The following ANKS1B variants were observed in gnomAD, a reference collection of about 807,000 sequenced individuals.
ANKS1B encodes ankyrin repeat and sterile alpha motif domain containing 1B.
In ANKS1B, 36 loss-of-function variants were observed where a neutral mutation model predicts 148.3. That is an observed-to-expected ratio of 0.24 (90% confidence interval 0.19 to 0.32). The LOEUF (loss-of-function observed/expected upper bound fraction) is 0.32. Among genes scored for constraint, ANKS1B ranks in the 10% least tolerant of loss-of-function variants. The pLI is 1.00. For synonymous variants in ANKS1B, 542 were observed against 560.8 expected (o/e 0.97, Z 0.47); for missense variants, 1,157 against 1,542.6 (o/e 0.75, Z 4.19).
intron 8 of ANKS1B, among the ~76,000 whole-genome samples, chr12:99,667,084 G>A (rs1184026226): frequency 1.3e-5 from 2 of 152,082 alleles, no homozygotes; most frequent in African/African-American, 2.4e-5. Flanking sequence ...AGTGGTTCAT[G>A]CCTAGAATCC....
At chr12:98,879,590 T>C (rs1183919571) in intron 17 of ANKS1B, among the ~76,000 whole-genome samples, 1 of 151,966 alleles carries the variant, frequency 6.6e-6, no homozygotes, top group Non-Finnish European at 1.5e-5. Flanking sequence ...TTGCTTCTTG[T>C]TTTTTTTCCC....
At chr12:98,959,127 T>C (rs1464830194) in intron 17 of ANKS1B, among the ~76,000 whole-genome samples, 1 of 152,200 alleles carries the variant, frequency 6.6e-6, no homozygotes, top group African/African-American at 2.4e-5. Context: ...ATTTTATTGG[T>C]GTAAATGTTT....
intron 8 of ANKS1B, among the ~76,000 whole-genome samples, chr12:99,747,879 A>C (rs2060743797): frequency 6.6e-6 from 1 of 152,184 alleles, no homozygotes; most frequent in Non-Finnish European, 1.5e-5. Flanking sequence ...AAACTCCTAA[A>C]GAATCCATCC....
chr12:98,894,905 C>A, intron 17 of ANKS1B: 1 of 955,580 alleles, frequency 1.0e-6, no homozygotes, highest in Non-Finnish European at 1.2e-6. Flanking sequence ...ACTGCCCCCG[C>A]CCCCCGCGCG....
At chr12:98,800,237 G>C (rs1035547233) in intron 21 of ANKS1B, among the ~76,000 whole-genome samples, 2 of 128,834 alleles carry the variant, frequency 1.6e-5, no homozygotes, top group South Asian at 4.9e-4. Context: ...AAAAAAAAAA[G>C]CTCAACTGGT....
chr12:99,797,182 A>C (rs934330786), intron 4 of ANKS1B, among the ~76,000 whole-genome samples: 1 of 151,390 alleles, frequency 6.6e-6, no homozygotes, highest in Admixed American at 6.6e-5. Flanking sequence ...CCTTCTTTTC[A>C]TCAGAGATTA....
At chr12:99,225,339 TTTGTC>T (rs780298556) in intron 14 of ANKS1B, among the ~76,000 whole-genome samples, 3 of 152,154 alleles carry the variant, frequency 2.0e-5, no homozygotes, top group Non-Finnish European at 4.4e-5. Context: ...ATAGCCCACT[TTTGTC>T]TTGATTATCA....
chr12:99,656,095 T>C (rs2098448505), intron 8 of ANKS1B, among the ~76,000 whole-genome samples: 2 of 152,114 alleles, frequency 1.3e-5, no homozygotes. Context: ...GGTTTAATTT[T>C]TGAAGAAGTT....
intron 4 of ANKS1B, 71 bp from the exon 5 acceptor site, chr12:99,782,168 C>T: frequency 8.1e-7 from 1 of 1,227,036 alleles, no homozygotes; most frequent in Non-Finnish European, 1.1e-6. Flanking sequence ...AAATAAAATG[C>T]TCACATTTTA....
chr12:99,342,479 A>G (rs1603170104), intron 12 of ANKS1B, among the ~76,000 whole-genome samples: 1 of 152,182 alleles, frequency 6.6e-6, no homozygotes, highest in Non-Finnish European at 1.5e-5. Context: ...AAAGAGGTAG[A>G]AACCCAACCA....
intron 9 of ANKS1B, among the ~76,000 whole-genome samples, chr12:99,559,440 TAA>T (rs1165957979): frequency 6.6e-6 from 1 of 152,224 alleles, no homozygotes; most frequent in Non-Finnish European, 1.5e-5. Context: ...AGTTTTCACA[TAA>T]ATTCAAGTAT....
chr12:99,081,265 G>T (rs1045124126), intron 16 of ANKS1B, among the ~76,000 whole-genome samples: 1 of 151,960 alleles, frequency 6.6e-6, no homozygotes, highest in Non-Finnish European at 1.5e-5. Flanking sequence ...ACTGAGCAAA[G>T]CACCTTTTCT....
chr12:99,978,665 G>A (rs1239053790), intron 1 of ANKS1B, among the ~76,000 whole-genome samples: 1 of 152,136 alleles, frequency 6.6e-6, no homozygotes, highest in African/African-American at 2.4e-5. Context: ...CCAAATAGTT[G>A]TGAAAATTAC....
At chr12:99,656,152 C>A (rs1315805933) in intron 8 of ANKS1B, among the ~76,000 whole-genome samples, 1 of 152,118 alleles carries the variant, frequency 6.6e-6, no homozygotes, top group Non-Finnish European at 1.5e-5. Flanking sequence ...TACTGAGTCT[C>A]CAAAAACAAG....
chr12:99,061,712 C>G (rs1002230171), intron 16 of ANKS1B, among the ~76,000 whole-genome samples: 1 of 152,184 alleles, frequency 6.6e-6, no homozygotes, highest in South Asian at 2.1e-4. Flanking sequence ...TCCTTGAATA[C>G]AAACATAACT....
intron 8 of ANKS1B, among the ~76,000 whole-genome samples, chr12:99,671,371 AAATT>A (rs1344378324): frequency 2.0e-5 from 3 of 146,480 alleles, no homozygotes; most frequent in Non-Finnish European, 4.4e-5. Context: ...ACTGAAACAG[AAATT>A]AATAGGCATG....
intron 14 of ANKS1B, among the ~76,000 whole-genome samples, chr12:99,216,410 T>C (rs1341926730): frequency 6.6e-6 from 1 of 152,226 alleles, no homozygotes; most frequent in Non-Finnish European, 1.5e-5. Context: ...CAAGCTTTAT[T>C]AAATCATTTC....
rs972740349 is a variant in ANKS1B at position 99,069,687 on chromosome 12, C to T, written c.2625+15238G>A. On this transcript the variant is annotated intron_variant, in intron 16 of 26. Coordinates refer to ENST00000683438, the MANE Select transcript of ANKS1B (RefSeq NM_001352186.2). The stretch of plus-strand genomic sequence containing the variant: ...TTGAAGACATGAAAGAGGAATCTTG[C>T]AGTTTCTTGGGTACTCGTTTCCTTT... Among the ~76,000 whole-genome samples, 13 of 152,322 alleles carry T rather than the reference C, an allele frequency of 8.5e-5. No homozygotes were observed. In the South Asian group the frequency reaches 2.3e-3, roughly 27 times the overall value.
At chr12:99,552,698 T>C (rs548908952) in intron 9 of ANKS1B, among the ~76,000 whole-genome samples, 1 of 152,316 alleles carries the variant, frequency 6.6e-6, no homozygotes, top group East Asian at 1.9e-4. Context: ...CCATGGGGGA[T>C]TGATTCCAAG....
Sources: allele counts gnomAD v4.1 joint callset (sites outside exome capture counted in the v4.1 genomes callset), GRCh38; gene constraint gnomAD v4.1.1; transcripts MANE v1.5; gene names NCBI Gene and HGNC (gene_info 2026-07-23, HGNC 2026-07-21).